Variants in NUPR1 observed in about 807,000 individuals in gnomAD.
The protein encoded by NUPR1 is nuclear protein 1, transcriptional regulator, also known as nuclear protein 1.
In NUPR1, 8 loss-of-function variants were observed where a neutral mutation model predicts 7.3. The observed-to-expected ratio is 1.09, with a 90% CI of 0.64 to 1.97. The LOEUF is 1.97. Among genes scored for constraint, NUPR1 ranks in the 30% most tolerant of loss-of-function variants. The probability of loss-of-function intolerance (pLI) is 0.00; values close to 1 mark genes in which losing one functional copy is unlikely to be tolerated. For missense variants in NUPR1, 96 were observed against 111.7 expected (o/e 0.86, Z 0.63); for synonymous variants, 39 against 44.5 (o/e 0.88, Z 0.49).
Position 28,535,141 on chromosome 16 carries a change from T to A in NUPR1, c.*2542A>T, listed in dbSNP as rs1188045936. The A allele has an allele frequency of 1.3e-5, 2 of 152,190 alleles. No homozygotes were observed. The highest frequency in any genetic ancestry group is 2.4e-5 in the African/African-American group (1 of 41,424). The allele number at this position is 152,190 out of a possible 1,614,324, so 9.4% of individuals were successfully genotyped here. A position where few individuals can be genotyped will look rare whatever the true frequency, so the allele number is the denominator to read the frequency against. On this transcript the variant is annotated 3_prime_UTR_variant, in exon 3 of 3. Transcript: ENST00000324873. ...CCCCATCTCACTTCCCAGAACCCTG[T>A]CCCACAGCCCCCTTGGCCTGGGGAC...
In NUPR1 at chr16:28,534,545, T is replaced by C. The variant is rs1326163046; in HGVS notation, c.*3138A>G. On this transcript the variant is annotated 3_prime_UTR_variant, in exon 3 of 3. Coordinates refer to ENST00000324873, the MANE Select transcript of NUPR1 (RefSeq NM_012385.3). ...CCCCGACATCTGTTGAGTCTGCATGTGGGCAATGTTTCTTGCTAGCTTCTT... is the reference window on the plus strand; with the variant it reads ...CCCCGACATCTGTTGAGTCTGCATGCGGGCAATGTTTCTTGCTAGCTTCTT... 2 of 152,236 alleles carry C rather than the reference T, an allele frequency of 1.3e-5. No homozygotes were observed. The highest frequency in any genetic ancestry group is 2.9e-5 in the Non-Finnish European group (2 of 68,054). The allele number at this position is 152,236 out of a possible 1,614,324, so 9.4% of individuals were successfully genotyped here.
In NUPR1 at chr16:28,538,090, C is replaced by G; in HGVS notation, c.178G>C (p.Gly60Arg). The G allele has an allele frequency of 6.2e-7, 1 of 1,614,202 alleles. No homozygotes were observed. The change falls in exon 2 of 3, where the codon GGC becomes CGC. Residue 60 changes from glycine (G) to arginine (R), a missense_variant. Gly to Arg is a moderately radical substitution (Grantham distance 125). Transcript: ENST00000324873. ...AAANTNRPSP[G>R]GHERKLVTKL... ...GTCACCAGTTTCCTCTCGTGCCCGC[C>G]AGGGCTGGGGCGGTTGGTGTTGGCA...
intron 1 of NUPR1, 125 bp downstream of exon 1, chr16:28,538,671 C>T: frequency 2.5e-6 from 2 of 813,194 alleles, no homozygotes; most frequent in South Asian, 2.9e-5. Flanking sequence ...GACAGAGTGA[C>T]TCTCTCAAAA....
intron 1 of NUPR1, chr16:28,538,421 G>A (rs2151634685): frequency 1.7e-6 from 1 of 594,640 alleles, no homozygotes; most frequent in East Asian, 2.8e-5. Context: ...TGGGCAGGGT[G>A]GCTCACTCCT....
At position 28,535,551 on chromosome 16, in the gene NUPR1, C is replaced by CTTTCTTTCT. The variant is rs2046607673; in HGVS notation, c.*2123_*2131dup. 1 of 32,890 alleles carries CTTTCTTTCT rather than the reference C, an allele frequency of 3.0e-5. No individual in the cohort carries two copies. Among genetic ancestry groups the CTTTCTTTCT allele is most frequent in the Admixed American group, 4.1e-4 (1 of 2,442 alleles). 2.0% of individuals were successfully genotyped at this position (32,890 alleles called of 1,614,324 possible). A position where few individuals can be genotyped will look rare whatever the true frequency, so the allele number is the denominator to read the frequency against. On this transcript the variant is annotated 3_prime_UTR_variant, in exon 3 of 3. Transcript: ENST00000324873. ...TCTTTCTTTCTTTCTTTCCTTCTTT[C>CTTTCTTTCT]TTTCTTTCTTTCCTTCCTTCCTTTC...
intron 2 of NUPR1, 138 bp downstream of exon 2, chr16:28,537,864 ACAAT>A: frequency 1.4e-6 from 1 of 715,032 alleles, no homozygotes; most frequent in Non-Finnish European, 2.3e-6. Context: ...TAGGAAACTC[ACAAT>A]CAAACATATG....
Position 28,535,585 on chromosome 16 carries a change from T to TTTCC in NUPR1, c.*2097_*2098insGGAA, listed in dbSNP as rs2046612036. 3.3e-5 allele frequency: 1 copy of TTTCC among 30,544 alleles called. No individual in the cohort carries two copies. Among genetic ancestry groups the TTTCC allele is most frequent in the African/African-American group, 2.0e-4 (1 of 4,982 alleles). 1.9% of individuals were successfully genotyped at this position (30,544 alleles called of 1,614,324 possible). ...TTTCCTTCCTTCCTTTCTTTCTTTC[T>TTTCC]TTCTTTCTTTCTTTCTTTCTTTCTT... is the stretch of plus-strand genomic sequence containing the variant. On this transcript the variant is annotated 3_prime_UTR_variant, in exon 3 of 3. Coordinates refer to ENST00000324873, the MANE Select transcript of NUPR1 (RefSeq NM_012385.3).
Position 28,535,575 on chromosome 16 carries a change from T to TCTTTCTTTCTTTCTTTCCTTCCTTC in NUPR1, c.*2107_*2108insGAAGGAAGGAAAGAAAGAAAGAAAG, listed in dbSNP as rs2046610858. 1 of 41,358 alleles carries TCTTTCTTTCTTTCTTTCCTTCCTTC rather than the reference T, an allele frequency of 2.4e-5. No homozygotes were observed. Among genetic ancestry groups the TCTTTCTTTCTTTCTTTCCTTCCTTC allele is most frequent in the African/African-American group, 1.1e-4 (1 of 8,708 alleles). 2.6% of individuals were successfully genotyped at this position (41,358 alleles called of 1,614,324 possible). On this transcript the variant is annotated 3_prime_UTR_variant, in exon 3 of 3. Transcript: ENST00000324873. ...TCTTTCTTTCTTTCCTTCCTTCCTT[T>TCTTTCTTTCTTTCTTTCCTTCCTTC]CTTTCTTTCTTTCTTTCTTTCTTTC...
In NUPR1 at chr16:28,535,551, C is replaced by CTTTTCT. The variant is rs869272934; in HGVS notation, c.*2131_*2132insAGAAAA. The CTTTTCT allele has an allele frequency of 3.0e-5, 1 of 32,890 alleles. No individual in the cohort carries two copies. Among genetic ancestry groups the CTTTTCT allele is most frequent in the African/African-American group, 7.8e-5 (1 of 12,872 alleles). 2.0% of individuals were successfully genotyped at this position (32,890 alleles called of 1,614,324 possible). On this transcript the variant is annotated 3_prime_UTR_variant, in exon 3 of 3. Transcript: ENST00000324873. ...TCTTTCTTTCTTTCTTTCCTTCTTT[C>CTTTTCT]TTTCTTTCTTTCCTTCCTTCCTTTC...
intron 1 of NUPR1, 147 bp from the exon 2 acceptor site, chr16:28,538,302 A>C: frequency 8.4e-7 from 1 of 1,191,450 alleles, no homozygotes; most frequent in Non-Finnish European, 1.2e-6. Flanking sequence ...GGGACCCCAG[A>C]TGTGTGTGAG....
At position 28,536,458 on chromosome 16, in the gene NUPR1, G is replaced by C. The variant is rs929707004; in HGVS notation, c.*1225C>G. 1.3e-5 allele frequency: 2 copies of C among 152,278 alleles called. No individual in the cohort carries two copies. The highest frequency in any genetic ancestry group is 2.9e-5 in the Non-Finnish European group (2 of 68,184). The allele number at this position is 152,278 out of a possible 1,614,324, so 9.4% of individuals were successfully genotyped here. A position where few individuals can be genotyped will look rare whatever the true frequency, so the allele number is the denominator to read the frequency against. On this transcript the variant is annotated 3_prime_UTR_variant, in exon 3 of 3. Coordinates refer to ENST00000324873, the MANE Select transcript of NUPR1 (RefSeq NM_012385.3). ...GAATTGCTTGAACCCGGGAGGCAGA[G>C]GTTGCAGTGAGCCAAGATGGTGCCA... is the stretch of plus-strand genomic sequence containing the variant.
In NUPR1 at chr16:28,535,568, C is replaced by CTTCCTTCTTTCT. The variant is rs2046609498; in HGVS notation, c.*2114_*2115insAGAAAGAAGGAA. The CTTCCTTCTTTCT allele has an allele frequency of 5.7e-5, 2 of 34,998 alleles. No homozygotes were observed. Among genetic ancestry groups the CTTCCTTCTTTCT allele is most frequent in the East Asian group, 7.6e-4 (1 of 1,318 alleles). 2.2% of individuals were successfully genotyped at this position (34,998 alleles called of 1,614,324 possible). On this transcript the variant is annotated 3_prime_UTR_variant, in exon 3 of 3. Coordinates refer to ENST00000324873, the MANE Select transcript of NUPR1 (RefSeq NM_012385.3). ...CCTTCTTTCTTTCTTTCTTTCCTTCCTTCCTTTCTTTCTTTCTTTCTTTCT... is the reference window on the plus strand; with the variant it reads ...CCTTCTTTCTTTCTTTCTTTCCTTCCTTCCTTCTTTCTTTCCTTTCTTTCTTTCTTTCTTTCT...
At position 28,534,708 on chromosome 16, in the gene NUPR1, C is replaced by CGGA. The variant is rs1555472466; in HGVS notation, c.*2972_*2974dup. 3 of 152,164 alleles carry CGGA rather than the reference C, an allele frequency of 2.0e-5. No homozygotes were observed. The highest frequency in any genetic ancestry group is 4.4e-5 in the Non-Finnish European group (3 of 68,042). The allele number at this position is 152,164 out of a possible 1,614,324, so 9.4% of individuals were successfully genotyped here. A position where few individuals can be genotyped will look rare whatever the true frequency, so the allele number is the denominator to read the frequency against. ...TTGGGTGTGGCCATGTAGCCACATT[C>CGGA]GGAGCAGATGTGATGTGTTCTACTT... On this transcript the variant is annotated 3_prime_UTR_variant, in exon 3 of 3. Coordinates refer to ENST00000324873, the MANE Select transcript of NUPR1 (RefSeq NM_012385.3).
Position 28,538,140 on chromosome 16 carries a change from T to G in NUPR1, c.128A>C (p.Lys43Thr), listed in dbSNP as rs1184063793. The G allele has an allele frequency of 1.2e-6, 2 of 1,614,058 alleles. No homozygotes were observed. The highest frequency in any genetic ancestry group is 2.7e-5 in the African/African-American group (2 of 74,924). The change falls in exon 2 of 3, where the codon AAA becomes ACA. Residue 43 changes from lysine (K) to threonine (T), a missense_variant. By Grantham distance (78) the Lys-to-Thr change is moderately conservative (BLOSUM62 -1). Coordinates refer to ENST00000324873, the MANE Select transcript of NUPR1 (RefSeq NM_012385.3). Reference sequence around the variant, plus strand: ...AGCAGCTTCTCTCTTGGTGCGACCTTTCCGGCCTCCACCTCCTGTAACCAA... The same window carrying G: ...AGCAGCTTCTCTCTTGGTGCGACCTGTCCGGCCTCCACCTCCTGTAACCAA... ...AHSYLGGGGR[K>T]GRTKREAAAN...
In NUPR1 at chr16:28,534,261, C is replaced by T. The variant is rs1036973433; in HGVS notation, c.*3422G>A. On this transcript the variant is annotated 3_prime_UTR_variant, in exon 3 of 3. Coordinates refer to ENST00000324873, the MANE Select transcript of NUPR1 (RefSeq NM_012385.3). ...GTTGGGCCAGAGGTCCTTAAATGTC[C>T]TTCCGGGTCATGGATTCATTCTGTG... The T allele has an allele frequency of 5.3e-5, 8 of 152,124 alleles. No individual in the cohort carries two copies. Among genetic ancestry groups the T allele is most frequent in the African/African-American group, 1.7e-4 (7 of 41,414 alleles). 9.4% of individuals were successfully genotyped at this position (152,124 alleles called of 1,614,324 possible). A position where few individuals can be genotyped will look rare whatever the true frequency, so the allele number is the denominator to read the frequency against.
intron 1 of NUPR1, 177 bp from the exon 2 acceptor site, chr16:28,538,332 AGC>A (rs2046639910): frequency 1.2e-6 from 1 of 836,494 alleles, no homozygotes; most frequent in Non-Finnish European, 1.9e-6. Context: ...TGAGTAACAT[AGC>A]ACTCCTGGGA....
chr16:28,532,713 G>T lies in NUPR1; in HGVS notation c.*4970C>A. ...GAGGAGTAATTGACCAGAAATTAACGAGAGTTTAGGATTCTTCATTGTCAA... is the reference window on the plus strand; with the variant it reads ...GAGGAGTAATTGACCAGAAATTAACTAGAGTTTAGGATTCTTCATTGTCAA... On this transcript the variant is annotated 3_prime_UTR_variant, in exon 3 of 3. Transcript: ENST00000324873. 6.5e-6 allele frequency: 1 copy of T among 152,882 alleles called. No homozygotes were observed. Among genetic ancestry groups the T allele is most frequent in the Middle Eastern group, 1.9e-3 (1 of 530 alleles). 9.5% of individuals were successfully genotyped at this position (152,882 alleles called of 1,614,324 possible). A position where few individuals can be genotyped will look rare whatever the true frequency, so the allele number is the denominator to read the frequency against.
chr16:28,537,743 G>C, intron 2 of NUPR1, 74 bp from the exon 3 acceptor site: 1 of 407,646 alleles, frequency 2.5e-6, no homozygotes. Flanking sequence ...CCACTCACTT[G>C]ATTTGTGACT....
chr16:28,538,836 C>A lies in NUPR1; in HGVS notation c.72G>T (p.Leu24=). 1 of 1,612,890 alleles carries A rather than the reference C, an allele frequency of 6.2e-7. No homozygotes were observed. Among genetic ancestry groups the A allele is most frequent in the Non-Finnish European group, 8.5e-7 (1 of 1,179,620 alleles). The part of the protein sequence containing the change: ...PPGPEDEDSS[L]DESDLYSLAH... The stretch of plus-strand genomic sequence containing the variant: ...CCAGGCTATAGAGGTCAGATTCATC[C>A]AGGCTGGAGTCCTCGTCCTCCGGGC... Residue 24 remains leucine (L), a synonymous_variant, in exon 1 of 3, where the codon CTG becomes CTT. Coordinates refer to ENST00000324873, the MANE Select transcript of NUPR1 (RefSeq NM_012385.3).
Sources: allele counts gnomAD v4.1 joint callset, GRCh38; gene constraint gnomAD v4.1.1; transcripts MANE v1.5; gene names NCBI Gene and HGNC (gene_info 2026-07-23, HGNC 2026-07-21).